The following FILIP1 variants were observed in gnomAD, a reference collection of about 807,000 sequenced individuals.
FILIP1 encodes filamin A interacting protein 1, also known as filamin-A-interacting protein 1.
Under a neutral mutation model 102.1 loss-of-function variants are expected in FILIP1, and 61 were observed. That is an observed-to-expected ratio of 0.60 (90% CI 0.49 to 0.74). The LOEUF is 0.74. Ranked by LOEUF, FILIP1 falls within the 30% of genes least tolerant of loss-of-function variation. The probability of loss-of-function intolerance (pLI) is 0.00; values close to 1 mark genes in which losing one functional copy is unlikely to be tolerated. For synonymous variants in FILIP1, 491 were observed against 526.9 expected (o/e 0.93, Z 0.93); for missense variants, 1,314 against 1,441.2 (o/e 0.91, Z 1.43).
chr6:75,446,680 A>G (rs1352800744), intron 1 of FILIP1, among the ~76,000 whole-genome samples: 1 of 152,118 alleles, frequency 6.6e-6, no homozygotes, highest in Non-Finnish European at 1.5e-5. Context: ...GCAACCATCA[A>G]TCTCTCCCTG....
At chr6:75,415,531 T>C (rs1777235473) in intron 1 of FILIP1, among the ~76,000 whole-genome samples, 2 of 106,434 alleles carry the variant, frequency 1.9e-5, no homozygotes, top group East Asian at 5.1e-4. Flanking sequence ...TGTCACAGTG[T>C]GGAAAAAAAA....
In FILIP1 at chr6:75,308,612, A is replaced by C; in HGVS notation, c.*79T>G. On this transcript the variant is annotated 3_prime_UTR_variant, in exon 6 of 6. Coordinates refer to ENST00000237172, the MANE Select transcript of FILIP1 (RefSeq NM_015687.5). ...TTAAAACTTAAATTAGTACATGTAAAGAACTGGCACAAACAGATGAAGGTT... is the reference window on the plus strand; with the variant it reads ...TTAAAACTTAAATTAGTACATGTAACGAACTGGCACAAACAGATGAAGGTT... 1 of 1,578,792 alleles carries C rather than the reference A, an allele frequency of 6.3e-7. No homozygotes were observed. Among genetic ancestry groups the C allele is most frequent in the Non-Finnish European group, 8.6e-7 (1 of 1,162,402 alleles).
chr6:75,318,197 T>C (rs7772989), intron 4 of FILIP1, among the ~76,000 whole-genome samples: 98,381 of 149,192 alleles, frequency 0.66, 32,764 homozygotes, highest in Middle Eastern at 0.76. Flanking sequence ...GAACTTCTTA[T>C]AGACTCCTAT....
intron 1 of FILIP1, among the ~76,000 whole-genome samples, chr6:75,468,042 G>A (rs1164485367): frequency 1.3e-5 from 2 of 152,180 alleles, no homozygotes; most frequent in Non-Finnish European, 2.9e-5. Context: ...CAGCATCCTG[G>A]ATGCCCTGAA....
At position 75,312,586 on chromosome 6, in the gene FILIP1, T is replaced by C; in HGVS notation, c.3246A>G (p.Ser1082=). Residue 1082 remains serine (S), a synonymous_variant, in exon 5 of 6, where the codon TCA becomes TCG. Transcript: ENST00000237172. The part of the protein sequence containing the change: ...GSQFKRSPGT[S]GEGVSPVITV... ...TAATAACTGGACTGACTCCTTCACCTGAAGTCCCAGGGGACCGTTTAAACT... is the reference window on the plus strand; with the variant it reads ...TAATAACTGGACTGACTCCTTCACCCGAAGTCCCAGGGGACCGTTTAAACT... 1 of 1,614,220 alleles carries C rather than the reference T, an allele frequency of 6.2e-7. No individual in the cohort carries two copies. The highest frequency in any genetic ancestry group is 8.5e-7 in the Non-Finnish European group (1 of 1,180,038).
chr6:75,479,714 C>T (rs1245056442), intron 1 of FILIP1, among the ~76,000 whole-genome samples: 2 of 151,008 alleles, frequency 1.3e-5, no homozygotes, highest in Admixed American at 6.6e-5. Context: ...ACTAATAATA[C>T]AAAAATTAGC....
intron 4 of FILIP1, among the ~76,000 whole-genome samples, chr6:75,352,089 TA>T (rs1774829058): frequency 6.6e-6 from 1 of 152,220 alleles, no homozygotes; most frequent in Non-Finnish European, 1.5e-5. Flanking sequence ...CAATAATAAA[TA>T]AACATTACCA....
At chr6:75,388,089 T>G (rs1014304010) in intron 2 of FILIP1, among the ~76,000 whole-genome samples, 4 of 152,154 alleles carry the variant, frequency 2.6e-5, no homozygotes, top group African/African-American at 9.7e-5. Context: ...CCAGTTTCAG[T>G]TTTCTGCATA....
chr6:75,469,226 A>T (rs1413905914), intron 1 of FILIP1, among the ~76,000 whole-genome samples: 1 of 152,062 alleles, frequency 6.6e-6, no homozygotes, highest in African/African-American at 2.4e-5. Flanking sequence ...AGGAATACTT[A>T]AGTAAAATTA....
intron 6 of FILIP1, among the ~76,000 whole-genome samples, chr6:75,302,838 T>TATGAC (rs1772877820): frequency 6.6e-6 from 1 of 151,932 alleles, no homozygotes; most frequent in African/African-American, 2.4e-5. Context: ...TATGATATGA[T>TATGAC]ATGATATGAT....
chr6:75,332,436 A>G (rs941412406), intron 4 of FILIP1, among the ~76,000 whole-genome samples: 5 of 152,182 alleles, frequency 3.3e-5, no homozygotes, highest in Non-Finnish European at 4.4e-5. Context: ...CATGAACCAT[A>G]CAAGTTTGTC....
chr6:75,415,502 C>A (rs1777233917), intron 1 of FILIP1, among the ~76,000 whole-genome samples: 1 of 146,618 alleles, frequency 6.8e-6, no homozygotes, highest in Non-Finnish European at 1.5e-5. Flanking sequence ...ACCTGAAACC[C>A]TGCCAGGAGC....
At chr6:75,467,981 T>C (rs979095689) in intron 1 of FILIP1, among the ~76,000 whole-genome samples, 1 of 152,180 alleles carries the variant, frequency 6.6e-6, no homozygotes, top group Non-Finnish European at 1.5e-5. Context: ...CAGGAGTTAT[T>C]GCTTCCAGCT....
chr6:75,424,367 C>A (rs2951927), intron 1 of FILIP1, among the ~76,000 whole-genome samples: 3,582 of 152,190 alleles, frequency 0.024, 165 homozygotes, highest in African/African-American at 0.08. Flanking sequence ...TTTATTTGTG[C>A]AATAACTCTT....
chr6:75,317,105 TG>T (rs1256371585), intron 4 of FILIP1, among the ~76,000 whole-genome samples: 1 of 152,240 alleles, frequency 6.6e-6, no homozygotes, highest in Non-Finnish European at 1.5e-5. Context: ...ACATAGGTTT[TG>T]GAGTCAGACA....
intron 4 of FILIP1, among the ~76,000 whole-genome samples, chr6:75,330,945 C>T (rs566007298): frequency 2.6e-5 from 4 of 152,122 alleles, no homozygotes; most frequent in African/African-American, 9.6e-5. Context: ...AAGTTTAATC[C>T]GTAGTAATTT....
intron 4 of FILIP1, among the ~76,000 whole-genome samples, chr6:75,337,695 C>T (rs1487547207): frequency 6.6e-6 from 1 of 152,112 alleles, no homozygotes; most frequent in African/African-American, 2.4e-5. Context: ...TCCAGGATTC[C>T]ACCTTGGAAG....
In FILIP1 at chr6:75,477,524, T is replaced by C. The variant is rs1361460739; in HGVS notation, c.-7+15890A>G. 3.3e-5 allele frequency among the ~76,000 whole-genome samples: 5 copies of C among 152,134 alleles called. No homozygotes were observed. In the East Asian group the frequency reaches 9.6e-4, roughly 29 times the overall value. On this transcript the variant is annotated intron_variant, in intron 1 of 5. Transcript: ENST00000237172. ...TATCAAAACATCACATTATACTCCA[T>C]AAATGTATATAATTATAATTTGTCC... is the stretch of plus-strand genomic sequence containing the variant.
intron 1 of FILIP1, among the ~76,000 whole-genome samples, chr6:75,438,812 A>G (rs1778108957): frequency 6.6e-6 from 1 of 152,246 alleles, no homozygotes. Flanking sequence ...GGAAGCAACT[A>G]GAATGTTGCT....
Sources: gnomAD v4.1 joint callset for allele counts (sites outside exome capture counted in the v4.1 genomes callset) on GRCh38, gnomAD v4.1.1 for gene constraint, MANE v1.5 for transcripts, NCBI Gene and HGNC (gene_info 2026-07-23, HGNC 2026-07-21) for gene names.